Variants in B3GAT2 observed in about 807,000 individuals in gnomAD.
The protein encoded by B3GAT2 is galactosylgalactosylxylosylprotein 3-beta-glucuronosyltransferase 2.
B3GAT2 carries 26 observed loss-of-function variants against 27.8 expected under a neutral mutation model. The ratio of observed to expected loss-of-function variants is 0.93; its 90% CI spans 0.68 to 1.30. The LOEUF (loss-of-function observed/expected upper bound fraction) is 1.30, where lower values mean the gene tolerates loss of function less well. Among genes scored for constraint, B3GAT2 ranks in the 50% most tolerant of loss-of-function variants. The probability of loss-of-function intolerance (pLI) is 0.00; values close to 1 mark genes in which losing one functional copy is unlikely to be tolerated. For synonymous variants in B3GAT2, 218 were observed against 195.1 expected (o/e 1.12, Z -0.98); for missense variants, 458 against 459.0 (o/e 1.00, Z 0.02).
rs1326306778 is a variant in B3GAT2 at position 70,859,921 on chromosome 6, T to C, written c.*1742A>G. The C allele has an allele frequency of 3.6e-6, 1 of 276,928 alleles. No individual in the cohort carries two copies. The highest frequency in any genetic ancestry group is 6.7e-6 in the Non-Finnish European group (1 of 148,324). 17.2% of individuals were successfully genotyped at this position (276,928 alleles called of 1,614,324 possible). A position where few individuals can be genotyped will look rare whatever the true frequency, so the allele number is the denominator to read the frequency against. ...ACAATATCCTAGTGTAGGTGAAAGT[T>C]AGTTAGAGTAGCGGACTCATTAAAA... On this transcript the variant is annotated 3_prime_UTR_variant, in exon 4 of 4. Transcript: ENST00000230053.
chr6:70,947,723 T>G (rs971791789), intron 1 of B3GAT2, among the ~76,000 whole-genome samples: 1 of 151,670 alleles, frequency 6.6e-6, no homozygotes, highest in Admixed American at 6.6e-5. Context: ...CCTCCCTAAC[T>G]CATTTTATGA....
At chr6:70,863,193 A>AT (rs1180741108) in intron 2 of B3GAT2, among the ~76,000 whole-genome samples, 1 of 152,176 alleles carries the variant, frequency 6.6e-6, no homozygotes. Flanking sequence ...CCCACAAAAC[A>AT]TTTCTCAGCA....
chr6:70,944,257 G>A (rs572417945), intron 1 of B3GAT2, among the ~76,000 whole-genome samples: 8 of 152,146 alleles, frequency 5.3e-5, no homozygotes, highest in Non-Finnish European at 1.0e-4. Context: ...GTGCCCAAGC[G>A]AAAGCAGGGC....
chr6:70,864,425 T>TA (rs1327009625), intron 2 of B3GAT2, among the ~76,000 whole-genome samples: 1 of 152,212 alleles, frequency 6.6e-6, no homozygotes, highest in East Asian at 1.9e-4. Flanking sequence ...ATACATCATT[T>TA]TGCAGCAAGG....
At chr6:70,896,113 T>C (rs1772380345) in intron 1 of B3GAT2, among the ~76,000 whole-genome samples, 1 of 152,176 alleles carries the variant, frequency 6.6e-6, no homozygotes, top group African/African-American at 2.4e-5. Context: ...TCTTGAGTCT[T>C]AAGTGGGTTT....
chr6:70,927,615 A>G (rs1772985290), intron 1 of B3GAT2, among the ~76,000 whole-genome samples: 1 of 152,204 alleles, frequency 6.6e-6, no homozygotes, highest in African/African-American at 2.4e-5. Context: ...TCAATTCAAC[A>G]ACAAGAGCTA....
chr6:70,884,410 T>G (rs1339357390), intron 2 of B3GAT2, among the ~76,000 whole-genome samples: 1 of 152,170 alleles, frequency 6.6e-6, no homozygotes. Context: ...ATGTTAAAAT[T>G]CATGAATTCA....
chr6:70,871,208 GTT>G (rs1189234314), intron 2 of B3GAT2, among the ~76,000 whole-genome samples: 1 of 81,154 alleles, frequency 1.2e-5, no homozygotes, highest in African/African-American at 4.4e-5. Flanking sequence ...AGGTCTGTCT[GTT>G]TTTTTTTTTT....
At chr6:70,955,138 G>A (rs550637469) in intron 1 of B3GAT2, among the ~76,000 whole-genome samples, 1 of 151,326 alleles carries the variant, frequency 6.6e-6, no homozygotes, top group African/African-American at 2.4e-5. Flanking sequence ...CGTAACCACA[G>A]GGCAGAACAG....
chr6:70,857,890 C>G lies in B3GAT2; in HGVS notation c.*3773G>C, dbSNP rs776390021. The G allele has an allele frequency of 3.7e-6, 6 of 1,603,408 alleles. No individual in the cohort carries two copies. Among genetic ancestry groups the G allele is most frequent in the Non-Finnish European group, 5.1e-6 (6 of 1,175,330 alleles). ...ATGAGTGCAACTACACGTGATAGCTCTGTCTTCATTCATTTTCTTTTTGTG... is the reference window on the plus strand; with the variant it reads ...ATGAGTGCAACTACACGTGATAGCTGTGTCTTCATTCATTTTCTTTTTGTG... On this transcript the variant is annotated 3_prime_UTR_variant, in exon 4 of 4. Coordinates refer to ENST00000230053, the MANE Select transcript of B3GAT2 (RefSeq NM_080742.3).
At chr6:70,937,202 G>C (rs1161775635) in intron 1 of B3GAT2, among the ~76,000 whole-genome samples, 1 of 151,980 alleles carries the variant, frequency 6.6e-6, no homozygotes, top group African/African-American at 2.4e-5. Context: ...ACTAAACCAG[G>C]AAGAAGTTGA....
intron 2 of B3GAT2, among the ~76,000 whole-genome samples, chr6:70,873,183 T>A (rs1771963946): frequency 6.6e-6 from 1 of 152,144 alleles, no homozygotes; most frequent in Non-Finnish European, 1.5e-5. Context: ...ACAGTTCCCG[T>A]CTAGCATCCT....
chr6:70,943,592 G>A (rs1439646048), intron 1 of B3GAT2, among the ~76,000 whole-genome samples: 1 of 152,138 alleles, frequency 6.6e-6, no homozygotes, highest in Non-Finnish European at 1.5e-5. Context: ...CATAGCAAAT[G>A]AGGAAAAACT....
In B3GAT2 at chr6:70,896,771, A is replaced by C. The variant is rs970420131; in HGVS notation, c.592-2499T>G. On this transcript the variant is annotated intron_variant, in intron 1 of 3. Transcript: ENST00000230053. Reference sequence around the variant, plus strand: ...CCTTTATTTTACTGGATGGTATTCTATTGCGTAGTTCATACCACAGTTTAC... The same window carrying C: ...CCTTTATTTTACTGGATGGTATTCTCTTGCGTAGTTCATACCACAGTTTAC... Among the ~76,000 whole-genome samples, 5 of 152,178 alleles carry C rather than the reference A, an allele frequency of 3.3e-5. No homozygotes were observed. The East Asian group carries it at 9.6e-4, about 29-fold the overall frequency.
In B3GAT2 at chr6:70,858,024, TTATAGGAAATGTGA is replaced by T. The variant is rs749848529; in HGVS notation, c.*3625_*3638del. The T allele has an allele frequency of 6.2e-7, 1 of 1,614,126 alleles. No individual in the cohort carries two copies. ...GTGCCTGTGCCTGCAGCTCCTGGCC[TTATAGGAAATGTGA>T]TGGGACAGAGTCCAAGCATGATGGT... On this transcript the variant is annotated 3_prime_UTR_variant, in exon 4 of 4. Transcript: ENST00000230053.
rs1183164756 is a variant in B3GAT2, at chr6:70,926,312, A to G, written c.591+29527T>C. Among the ~76,000 whole-genome samples, 3 of 152,206 alleles carry G rather than the reference A, an allele frequency of 2.0e-5. No individual in the cohort carries two copies. In the South Asian group the frequency reaches 6.2e-4, roughly 32 times the overall value. On this transcript the variant is annotated intron_variant, in intron 1 of 3. Transcript: ENST00000230053. ...CTCGCCAGCAAAGGAAGAAAGCTGG[A>G]TGGAGAATGACTTTAATGAGTTGAC...
chr6:70,904,834 G>A (rs938686416), intron 1 of B3GAT2, among the ~76,000 whole-genome samples: 9 of 152,186 alleles, frequency 5.9e-5, no homozygotes, highest in South Asian at 4.2e-4. Context: ...ATCACCCCTG[G>A]GGTTACTTGT....
intron 1 of B3GAT2, among the ~76,000 whole-genome samples, chr6:70,922,831 T>A (rs1772892621): frequency 6.6e-6 from 1 of 152,102 alleles, no homozygotes; most frequent in African/African-American, 2.4e-5. Context: ...AAAAAATCAA[T>A]GAGCGATAGA....
chr6:70,865,178 G>A (rs1420334386), intron 2 of B3GAT2, among the ~76,000 whole-genome samples: 1 of 152,202 alleles, frequency 6.6e-6, no homozygotes, highest in African/African-American at 2.4e-5. Context: ...CCAGGCTGGA[G>A]TGCAGTGGCA....
Sources: allele counts gnomAD v4.1 joint callset (sites outside exome capture counted in the v4.1 genomes callset), GRCh38; gene constraint gnomAD v4.1.1; transcripts MANE v1.5; gene names NCBI Gene and HGNC (gene_info 2026-07-23, HGNC 2026-07-21).